Variants in CIP2A observed in about 807,000 individuals in gnomAD.
CIP2A encodes protein CIP2A.
Under a neutral mutation model 110.9 loss-of-function variants are expected in CIP2A, and 103 were observed. That is an observed-to-expected ratio of 0.93 (90% CI 0.79 to 1.09). CIP2A has a LOEUF of 1.09. Among genes scored for constraint, CIP2A ranks in the 50% least tolerant of loss-of-function variants. The pLI is 0.00. For missense variants in CIP2A, 1,088 were observed against 1,038.4 expected (o/e 1.05, Z -0.66); for synonymous variants, 381 against 361.6 (o/e 1.05, Z -0.61).
intron 20 of CIP2A, among the ~76,000 whole-genome samples, chr3:108,551,715 C>T (rs1424895391): frequency 2.6e-5 from 4 of 152,068 alleles, no homozygotes; most frequent in South Asian, 2.1e-4. Context: ...TAATCCTAGT[C>T]TGTTCTCATC....
chr3:108,559,931 T>G (rs766040896), intron 15 of CIP2A, 23 bp downstream of exon 15: 2 of 1,569,606 alleles, frequency 1.3e-6, no homozygotes, highest in Non-Finnish European at 8.8e-7. Context: ...TATTACACAT[T>G]GTTAAAATAA....
rs114832659 is a variant in CIP2A at position 108,583,133 on chromosome 3, T to C, written c.251-50A>G. 4.4e-3 allele frequency: 4,450 copies of C among 1,009,582 alleles called. 132 individuals are homozygous for C. The African/African-American group carries it at 0.066, about 15-fold the overall frequency. 62.5% of individuals were successfully genotyped at this position (1,009,582 alleles called of 1,614,324 possible). On this transcript the variant is annotated intron_variant, in intron 2 of 20. Transcript: ENST00000295746. ...AATATATCATTTTCTTACAAGGTTT[T>C]GCAGATAATTCATACAGAATTTATT...
In CIP2A at chr3:108,582,122, G is replaced by T; in HGVS notation, c.438C>A (p.Phe146Leu). The part of the protein sequence containing the change: ...SGANIDELIT[F>L]LIDHIQSSED... ...TGCATACTCACATGTGATCTATCAG[G>T]AACGTAATTAATTCATCTATATTGG... The change falls in exon 4 of 21, where the codon TTC (phenylalanine) becomes TTA (leucine). Residue 146 changes from phenylalanine to leucine, a missense_variant. Phe to Leu is a conservative substitution (Grantham distance 22, BLOSUM62 0). Transcript: ENST00000295746. 6.9e-7 allele frequency: 1 copy of T among 1,444,058 alleles called. No homozygotes were observed. Among genetic ancestry groups the T allele is most frequent in the South Asian group, 1.3e-5 (1 of 77,978 alleles). The allele number at this position is 1,444,058 out of a possible 1,614,324, so 89.5% of individuals were successfully genotyped here.
intron 11 of CIP2A, among the ~76,000 whole-genome samples, chr3:108,566,014 G>A (rs1351995370): frequency 2.0e-5 from 3 of 151,650 alleles, no homozygotes; most frequent in Non-Finnish European, 4.4e-5. Context: ...CATGAGGAGG[G>A]AAGGGGTATA....
intron 1 of CIP2A, 28 bp from the exon 2 acceptor site, chr3:108,585,240 G>T: frequency 1.3e-6 from 2 of 1,559,126 alleles, no homozygotes; most frequent in Non-Finnish European, 1.7e-6. Flanking sequence ...AAATGTGTTG[G>T]TTAAGCGATG....
chr3:108,588,341 A>T (rs1384620716), intron 1 of CIP2A, among the ~76,000 whole-genome samples: 1 of 146,594 alleles, frequency 6.8e-6, no homozygotes. Flanking sequence ...GAAGTAGGGA[A>T]AAGAGGAGCA....
At chr3:108,553,849 G>A (rs537575662) in intron 18 of CIP2A, 119 bp from the exon 19 acceptor site, 24 of 314,860 alleles carry the variant, frequency 7.6e-5, no homozygotes, top group Admixed American at 5.6e-4. Flanking sequence ...TCAGGAGATC[G>A]AGACCATCCT....
Position 108,559,979 on chromosome 3 carries a change from TATAC to T in CIP2A, c.1873_1876del (p.Val625MetfsTer3), listed in dbSNP as rs763355650. ...AGCTAATGTGGATAGTTTCATTTCA[TATAC>T]ATCCATTATGTCAGATATTCTCACA... is the stretch of plus-strand genomic sequence containing the variant. On this transcript the variant is annotated frameshift_variant, in exon 15 of 21. Transcript: ENST00000295746. LOFTEE classifies it high-confidence loss of function. The T allele has an allele frequency of 6.2e-7, 1 of 1,602,690 alleles. No individual in the cohort carries two copies. The highest frequency in any genetic ancestry group is 1.7e-5 in the Admixed American group (1 of 59,904).
chr3:108,553,175 T>A (rs1385710238), intron 19 of CIP2A, among the ~76,000 whole-genome samples: 1 of 130,700 alleles, frequency 7.7e-6, no homozygotes, highest in African/African-American at 2.9e-5. Context: ...TCACCCAGGT[T>A]GGAGTGCAGT....
At chr3:108,552,694 A>C (rs78167661) in intron 19 of CIP2A, among the ~76,000 whole-genome samples, 5,997 of 152,270 alleles carry the variant, frequency 0.039, 342 homozygotes, top group African/African-American at 0.13. Context: ...TTTCAGGATC[A>C]TTTCAAATAT....
At chr3:108,584,505 T>A (rs867109303) in intron 2 of CIP2A, among the ~76,000 whole-genome samples, 2 of 152,204 alleles carry the variant, frequency 1.3e-5, no homozygotes, top group African/African-American at 4.8e-5. Flanking sequence ...CTAGCCTTCA[T>A]GTGGCTATTT....
intron 16 of CIP2A, among the ~76,000 whole-genome samples, chr3:108,559,444 T>A (rs1156664190): frequency 6.6e-6 from 1 of 152,122 alleles, no homozygotes. Flanking sequence ...TTAGGAACAT[T>A]ACTATTTTGG....
rs764972434 is a variant in CIP2A, at chr3:108,585,089, T to C, written c.226A>G (p.Ile76Val). 6.2e-7 allele frequency: 1 copy of C among 1,612,466 alleles called. No homozygotes were observed. The highest frequency in any genetic ancestry group is 1.1e-5 in the South Asian group (1 of 90,686). Reference protein sequence around the residue: ...PNISASLILSIIGLLSQLAVD... With the variant: ...PNISASLILSVIGLLSQLAVD... ...CCTAGTTGAGACAGCAAACCGATAA[T>C]ACTTAAGATCAGTGAAGCACTTATG... The change falls in exon 2 of 21, where the codon ATT (isoleucine) becomes GTT (valine). Residue 76 changes from isoleucine to valine, a missense_variant. By Grantham distance (29) the Ile-to-Val change is conservative (BLOSUM62 3). Transcript: ENST00000295746.
rs1250441888 is a variant in CIP2A, at chr3:108,562,282, G to A, written c.1634+844C>T. 2.6e-5 allele frequency among the ~76,000 whole-genome samples: 4 copies of A among 152,004 alleles called. No homozygotes were observed. In the East Asian group the frequency reaches 5.8e-4, roughly 22 times the overall value. ...TATTTTAGACTCAAGGACCTATCTGGTCTCTGTCACAATTACTCAATTCTG... is the reference window on the plus strand; with the variant it reads ...TATTTTAGACTCAAGGACCTATCTGATCTCTGTCACAATTACTCAATTCTG... On this transcript the variant is annotated intron_variant, in intron 13 of 20. Transcript: ENST00000295746.
intron 8 of CIP2A, among the ~76,000 whole-genome samples, chr3:108,573,152 T>G (rs1938454330): frequency 6.6e-6 from 1 of 152,076 alleles, no homozygotes; most frequent in African/African-American, 2.4e-5. Flanking sequence ...CATTTGGTAA[T>G]AAGACATGAT....
At chr3:108,587,570 T>C (rs1051600340) in intron 1 of CIP2A, among the ~76,000 whole-genome samples, 2 of 152,240 alleles carry the variant, frequency 1.3e-5, no homozygotes, top group Non-Finnish European at 2.9e-5. Context: ...GGTACCTATA[T>C]ATTAAAAACT....
At position 108,581,506 on chromosome 3, in the gene CIP2A, G is replaced by T; in HGVS notation, c.458C>A (p.Ser153Tyr). 6.3e-7 allele frequency: 1 copy of T among 1,598,544 alleles called. No homozygotes were observed. The highest frequency in any genetic ancestry group is 8.6e-7 in the Non-Finnish European group (1 of 1,167,214). Reference sequence around the variant, plus strand: ...AGGCATTTTTAACTCATCTTCAGAAGATTGACTGTTGTTTTACATTGGTGT... The same window carrying T: ...AGGCATTTTTAACTCATCTTCAGAATATTGACTGTTGTTTTACATTGGTGT... Reference protein sequence around the residue: ...LITFLIDHIQSSEDELKMPCL... With the variant: ...LITFLIDHIQYSEDELKMPCL... The change falls in exon 5 of 21, where the codon TCT becomes TAT. Residue 153 changes from serine (S) to tyrosine (Y), a missense_variant. Ser to Tyr is a moderately radical substitution (Grantham distance 144). Transcript: ENST00000295746.
At chr3:108,556,613 T>C (rs948624790) in intron 17 of CIP2A, among the ~76,000 whole-genome samples, 3 of 152,188 alleles carry the variant, frequency 2.0e-5, no homozygotes, top group African/African-American at 7.2e-5. Context: ...AATTTAGAAA[T>C]ATCTATCAAA....
intron 9 of CIP2A, among the ~76,000 whole-genome samples, chr3:108,568,976 G>GCACATTA (rs1340549407): frequency 1.3e-5 from 2 of 150,746 alleles, no homozygotes; most frequent in East Asian, 3.9e-4. Flanking sequence ...TAAGTGCCTA[G>GCACATTA]CACATTATCT....
Sources: allele counts gnomAD v4.1 joint callset (sites outside exome capture counted in the v4.1 genomes callset), GRCh38; gene constraint gnomAD v4.1.1; transcripts MANE v1.5; gene names NCBI Gene and HGNC (gene_info 2026-07-23, HGNC 2026-07-21).